The following ZNF831 variants were observed in gnomAD, a reference collection of about 807,000 sequenced individuals.
The protein encoded by ZNF831 is chromosome 20 open reading frame 174.
A neutral mutation model predicts 95.8 loss-of-function variants in ZNF831; 59 were observed. The observed-to-expected ratio is 0.62, with a 90% confidence interval of 0.50 to 0.77. ZNF831 has a LOEUF of 0.77. Ranked by LOEUF, ZNF831 falls within the 30% of genes least tolerant of loss-of-function variation. The probability of loss-of-function intolerance (pLI) is 0.00; values close to 1 mark genes in which losing one functional copy is unlikely to be tolerated. For synonymous variants in ZNF831, 961 were observed against 925.5 expected, an observed-to-expected ratio of 1.04 and a Z score of -0.70; for missense variants, 2,205 against 2,164.0, an observed-to-expected ratio of 1.02 and a Z score of -0.38.
chr20:59,182,884 C>T (rs1247603226), intron 1 of ZNF831, among the ~76,000 whole-genome samples: 1 of 152,212 alleles, frequency 6.6e-6, no homozygotes, highest in Non-Finnish European at 1.5e-5. Context: ...TTCTAACCAG[C>T]TATTCTCACC....
intron 1 of ZNF831, among the ~76,000 whole-genome samples, chr20:59,128,562 G>A (rs1228402286): frequency 6.6e-6 from 1 of 152,196 alleles, no homozygotes; most frequent in Non-Finnish European, 1.5e-5. Flanking sequence ...GAGCCGCAGT[G>A]TGAGCTGGCT....
Position 59,258,905 on chromosome 20 carries a change from AG to A in ZNF831, c.*4164del, listed in dbSNP as rs1438652987. On this transcript the variant is annotated 3_prime_UTR_variant, in exon 6 of 6. Coordinates refer to ENST00000371030, the MANE Select transcript of ZNF831 (RefSeq NM_178457.3). ...CACATTACTTCACCACTGGAAGAATAGGAACCAGGGAAAAACATCAGCCTCT... is the reference window on the plus strand; with the variant it reads ...CACATTACTTCACCACTGGAAGAATAGAACCAGGGAAAAACATCAGCCTCT... 1 of 152,224 alleles carries A rather than the reference AG, an allele frequency of 6.6e-6. No homozygotes were observed. Among genetic ancestry groups the A allele is most frequent in the Non-Finnish European group, 1.5e-5 (1 of 68,038 alleles). The allele number at this position is 152,224 out of a possible 1,614,324, so 9.4% of individuals were successfully genotyped here.
At chr20:59,184,666 A>G (rs536873674) in intron 1 of ZNF831, among the ~76,000 whole-genome samples, 1 of 152,324 alleles carries the variant, frequency 6.6e-6, no homozygotes, top group African/African-American at 2.4e-5. Context: ...TAACTACACC[A>G]GCCATCTTAG....
chr20:59,243,072 AT>A (rs566005912), intron 4 of ZNF831, among the ~76,000 whole-genome samples: 32 of 152,348 alleles, frequency 2.1e-4, no homozygotes, highest in African/African-American at 7.2e-4. Context: ...ATAAACCTGT[AT>A]TTAACTCCAG....
chr20:59,244,280 A>T (rs181760587), intron 4 of ZNF831, among the ~76,000 whole-genome samples: 2 of 152,312 alleles, frequency 1.3e-5, no homozygotes, highest in Admixed American at 1.3e-4. Flanking sequence ...TGGAAAAAAT[A>T]TATTTTTCTC....
At chr20:59,148,018 G>A (rs906586963) in intron 2 of ZNF831, among the ~76,000 whole-genome samples, 9 of 152,218 alleles carry the variant, frequency 5.9e-5, no homozygotes, top group Non-Finnish European at 1.5e-5. Flanking sequence ...CAATAAGAAA[G>A]TATGACTACA....
chr20:59,171,187 C>T (rs1295516175), intron 1 of ZNF831, among the ~76,000 whole-genome samples: 1 of 152,216 alleles, frequency 6.6e-6, no homozygotes, highest in Non-Finnish European at 1.5e-5. Flanking sequence ...CTCATACCCA[C>T]ACCACTGGCC....
At chr20:59,237,905 C>T (rs1987092874) in intron 4 of ZNF831, among the ~76,000 whole-genome samples, 2 of 152,174 alleles carry the variant, frequency 1.3e-5, no homozygotes, top group African/African-American at 4.8e-5. Flanking sequence ...CTTCCTCTTC[C>T]ACCTCCCTAA....
chr20:59,164,777 CA>C (rs1174756250), intron 1 of ZNF831, among the ~76,000 whole-genome samples: 1 of 152,060 alleles, frequency 6.6e-6, no homozygotes, highest in Admixed American at 6.5e-5. Flanking sequence ...TCCCAGTATC[CA>C]AAATAGCAAA....
chr20:59,197,683 C>T (rs1984223571), intron 3 of ZNF831, among the ~76,000 whole-genome samples: 1 of 152,266 alleles, frequency 6.6e-6, no homozygotes, highest in Admixed American at 6.5e-5. Context: ...AAGCCTGACT[C>T]AAGGTAGTCT....
At chr20:59,233,043 C>CAG (rs1308472101) in intron 4 of ZNF831, among the ~76,000 whole-genome samples, 68 of 134,440 alleles carry the variant, frequency 5.1e-4, no homozygotes, top group African/African-American at 1.4e-3. Flanking sequence ...CACACACACA[C>CAG]ATAGAGAGAG....
chr20:59,188,784 G>GT (rs1172153602), intron 1 of ZNF831, among the ~76,000 whole-genome samples: 2 of 152,182 alleles, frequency 1.3e-5, no homozygotes, highest in African/African-American at 4.8e-5. Flanking sequence ...TCCGTGGACT[G>GT]TTTTTTCACT....
intron 1 of ZNF831, among the ~76,000 whole-genome samples, chr20:59,126,220 C>T (rs1382988354): frequency 1.3e-5 from 2 of 152,130 alleles, no homozygotes; most frequent in Non-Finnish European, 2.9e-5. Flanking sequence ...TGAACAGCCC[C>T]CTCTCTCTCC....
In ZNF831 at chr20:59,195,856, T is replaced by G; in HGVS notation, c.3739-13T>G. 6.2e-7 allele frequency: 1 copy of G among 1,610,040 alleles called. No individual in the cohort carries two copies. Among genetic ancestry groups the G allele is most frequent in the Non-Finnish European group, 8.5e-7 (1 of 1,178,626 alleles). On this transcript the variant is annotated splice_polypyrimidine_tract_variant and intron_variant, in intron 2 of 5. Transcript: ENST00000371030. ...TTTGAGTAATGTGATGCCAACATGC[T>G]TGGTGTTTTCAGTTCTCCTACCCAA...
upstream of ZNF831, among the ~76,000 whole-genome samples, chr20:59,162,365 T>A (rs1980925780): frequency 6.6e-6 from 1 of 152,208 alleles, no homozygotes; most frequent in African/African-American, 2.4e-5. Flanking sequence ...TTGGTTTTCT[T>A]GTAGGATTTT....
At position 59,258,271 on chromosome 20, in the gene ZNF831, T is replaced by A. The variant is rs927381855; in HGVS notation, c.*3528T>A. On this transcript the variant is annotated 3_prime_UTR_variant, in exon 6 of 6. Coordinates refer to ENST00000371030, the MANE Select transcript of ZNF831 (RefSeq NM_178457.3). ...TAGGGCAAGACAGACTTTTTCTTCC[T>A]GAAATCACTCTTCTAAAGCTGAGAC... is the stretch of plus-strand genomic sequence containing the variant. The A allele has an allele frequency of 1.3e-5, 2 of 152,554 alleles. No individual in the cohort carries two copies. The highest frequency in any genetic ancestry group is 1.3e-4 in the Admixed American group (2 of 15,276). 9.5% of individuals were successfully genotyped at this position (152,554 alleles called of 1,614,324 possible). A position where few individuals can be genotyped will look rare whatever the true frequency, so the allele number is the denominator to read the frequency against.
upstream of ZNF831, chr20:59,160,005 G>T (rs1029443494): frequency 6.6e-6 from 1 of 152,348 alleles, no homozygotes; most frequent in African/African-American, 2.4e-5. Context: ...GCCCTGTGCT[G>T]GATGCTGGGT....
intron 1 of ZNF831, among the ~76,000 whole-genome samples, chr20:59,188,822 A>G (rs187331995): frequency 2.3e-4 from 35 of 152,298 alleles, no homozygotes; most frequent in Middle Eastern, 6.8e-3. Context: ...TGATGAACCA[A>G]AGTTTTAGAT....
intron 1 of ZNF831, among the ~76,000 whole-genome samples, chr20:59,182,437 A>C (rs141275236): frequency 4.1e-4 from 63 of 152,226 alleles, no homozygotes; most frequent in Middle Eastern, 3.4e-3. Flanking sequence ...GAACTTGCTG[A>C]GCTTCACAGG....
Sources: allele counts gnomAD v4.1 joint callset (sites outside exome capture counted in the v4.1 genomes callset), GRCh38; gene constraint gnomAD v4.1.1; transcripts MANE v1.5; gene names NCBI Gene and HGNC (gene_info 2026-07-23, HGNC 2026-07-21).